PPA2: variants seen among roughly 807,000 people sequenced by gnomAD.
The protein encoded by PPA2 is inorganic pyrophosphatase 2.
PPA2 carries 48 observed loss-of-function variants against 49.5 expected under a neutral mutation model. The observed-to-expected ratio is 0.97, with a 90% CI of 0.77 to 1.23. The LOEUF is 1.23. PPA2 is among the 50% of genes most tolerant of loss of function. The pLI, the probability that PPA2 is intolerant of heterozygous loss-of-function variation, is 0.00. For missense variants in PPA2, 429 were observed against 410.1 expected (o/e 1.05, Z -0.40); for synonymous variants, 131 against 139.9 (o/e 0.94, Z 0.45).
intron 10 of PPA2, among the ~76,000 whole-genome samples, chr4:105,373,796 C>CA (rs56111171): frequency 2.7e-5 from 4 of 149,396 alleles, no homozygotes; most frequent in Admixed American, 6.7e-5. Context: ...CACACACACA[C>CA]CCCATCATAG....
intron 2 of PPA2, chr4:105,456,372 A>C: frequency 2.3e-6 from 1 of 433,496 alleles, no homozygotes; most frequent in Non-Finnish European, 4.4e-6. Flanking sequence ...AATAATCCAC[A>C]AACGTTAGCT....
chr4:105,452,175 C>T (rs1722703317), intron 3 of PPA2, among the ~76,000 whole-genome samples: 1 of 152,140 alleles, frequency 6.6e-6, no homozygotes, highest in Non-Finnish European at 1.5e-5. Context: ...ACTCTTCTTT[C>T]CTCTCTAATC....
intron 4 of PPA2, chr4:105,447,936 G>A (rs1301142190): frequency 4.7e-6 from 1 of 212,280 alleles, no homozygotes; most frequent in African/African-American, 2.4e-5. Context: ...AGTAGAGATG[G>A]GGTTTTGCCA....
In PPA2 at chr4:105,458,818, C is replaced by CAA. The variant is rs57073135; in HGVS notation, c.158-2075_158-2074dup. Among the ~76,000 whole-genome samples, 230 of 31,540 alleles carry CAA rather than the reference C, an allele frequency of 7.3e-3. 19 individuals are homozygous for CAA. Among genetic ancestry groups the CAA allele is most frequent in the Middle Eastern group, 0.026 (1 of 38 alleles). The allele number at this position is 31,540 out of a possible 152,430, so 20.7% of individuals were successfully genotyped here. A position where few individuals can be genotyped will look rare whatever the true frequency, so the allele number is the denominator to read the frequency against. On this transcript the variant is annotated intron_variant, in intron 1 of 11. Transcript: ENST00000341695. ...GCCTGGCGACACAAGACTCCACCTC[C>CAA]AAAAAAAAAAAAAAAAAAAAAAAAA...
intron 10 of PPA2, among the ~76,000 whole-genome samples, chr4:105,381,023 G>A (rs68146425): frequency 0.12 from 18,518 of 152,084 alleles, 1,179 homozygotes; most frequent in African/African-American, 0.15. Flanking sequence ...AAGTCTGAAA[G>A]CTTCCCTTTC....
chr4:105,471,539 C>A (rs1473504841), intron 1 of PPA2, among the ~76,000 whole-genome samples: 1 of 152,128 alleles, frequency 6.6e-6, no homozygotes, highest in Non-Finnish European at 1.5e-5. Context: ...CACTGAGTAA[C>A]AATTTTAGGC....
In PPA2 at chr4:105,450,601, CT is replaced by C. The variant is rs575896250; in HGVS notation, c.268-1199del. ...ATGCTGGCCAGGCTGGTCTGGAATT[CT>C]TTTTTTTTTTTTTTTTTTTTTTTGA... On this transcript the variant is annotated intron_variant, in intron 3 of 11. Transcript: ENST00000341695. Among the ~76,000 whole-genome samples, 261 of 82,624 alleles carry C rather than the reference CT, an allele frequency of 3.2e-3. 1 individual carries two copies. The highest frequency in any genetic ancestry group is 9.9e-3 in the African/African-American group (217 of 21,942). 54.2% of individuals were successfully genotyped at this position (82,624 alleles called of 152,430 possible). A position where few individuals can be genotyped will look rare whatever the true frequency, so the allele number is the denominator to read the frequency against.
Position 105,399,180 on chromosome 4 carries a change from C to T in PPA2, c.656-16G>A, listed in dbSNP as rs1734261636. ...TCATCAATATCTGTAAAGAAAAAAA[C>T]AAAAAGATGTTTTGTTAAGAACCAA... On this transcript the variant is annotated splice_polypyrimidine_tract_variant and intron_variant, in intron 7 of 11. Transcript: ENST00000341695. 6.3e-7 allele frequency: 1 copy of T among 1,579,434 alleles called. No homozygotes were observed. The highest frequency in any genetic ancestry group is 1.9e-5 in the Admixed American group (1 of 52,102).
At chr4:105,443,321 C>G (rs1724450186) in intron 5 of PPA2, among the ~76,000 whole-genome samples, 1 of 151,282 alleles carries the variant, frequency 6.6e-6, no homozygotes, top group Admixed American at 6.6e-5. Flanking sequence ...CACCAGAGTG[C>G]CAGTGTGGAA....
chr4:105,426,030 G>C (rs1000797601), intron 6 of PPA2, among the ~76,000 whole-genome samples: 2 of 152,244 alleles, frequency 1.3e-5, no homozygotes, highest in Non-Finnish European at 2.9e-5. Context: ...AAGGGGAAAG[G>C]GGGAACTTTC....
intron 5 of PPA2, 80 bp from the exon 6 acceptor site, chr4:105,438,116 G>T: frequency 1.0e-6 from 1 of 979,722 alleles, no homozygotes; most frequent in Non-Finnish European, 1.5e-6. Flanking sequence ...TAATCACAAA[G>T]TTTTATAGAT....
chr4:105,373,388 T>C (rs1440883609), intron 10 of PPA2, among the ~76,000 whole-genome samples: 2 of 152,152 alleles, frequency 1.3e-5, no homozygotes, highest in Non-Finnish European at 1.5e-5. Context: ...TCTATGAAAT[T>C]GCTATATACT....
At chr4:105,433,464 G>A (rs1723907765) in intron 6 of PPA2, among the ~76,000 whole-genome samples, 1 of 152,196 alleles carries the variant, frequency 6.6e-6, no homozygotes, top group Admixed American at 6.5e-5. Flanking sequence ...CTCTGGAGAT[G>A]GAAAATGGGA....
At chr4:105,419,134 C>G (rs1723135439) in intron 7 of PPA2, among the ~76,000 whole-genome samples, 1 of 142,662 alleles carries the variant, frequency 7.0e-6, no homozygotes, top group Non-Finnish European at 1.5e-5. Flanking sequence ...TCTTAGTGCT[C>G]TGTTTTTTTG....
intron 7 of PPA2, among the ~76,000 whole-genome samples, chr4:105,400,300 A>C (rs1429176657): frequency 1.3e-5 from 2 of 152,116 alleles, no homozygotes; most frequent in Admixed American, 1.3e-4. Context: ...AAAATCTTTT[A>C]GTCTACTGAC....
intron 7 of PPA2, among the ~76,000 whole-genome samples, chr4:105,400,504 T>C (rs920496244): frequency 6.6e-6 from 1 of 152,018 alleles, no homozygotes; most frequent in Non-Finnish European, 1.5e-5. Flanking sequence ...ATGGTGGTGA[T>C]TGCCTATAGT....
At chr4:105,459,737 C>G (rs1482644862) in intron 1 of PPA2, among the ~76,000 whole-genome samples, 3 of 152,122 alleles carry the variant, frequency 2.0e-5, no homozygotes, top group Non-Finnish European at 4.4e-5. Context: ...AATTATTCCA[C>G]AATAAAAAGG....
At chr4:105,371,160 T>C (rs1034051546) in intron 10 of PPA2, among the ~76,000 whole-genome samples, 1 of 152,206 alleles carries the variant, frequency 6.6e-6, no homozygotes, top group Non-Finnish European at 1.5e-5. Context: ...AGGTTTTCTT[T>C]CAATGGCTTC....
At chr4:105,411,333 A>G (rs1426014464) in intron 7 of PPA2, among the ~76,000 whole-genome samples, 3 of 152,240 alleles carry the variant, frequency 2.0e-5, no homozygotes, top group African/African-American at 7.2e-5. Flanking sequence ...CATAACAGTA[A>G]ACAAATCAAT....
Sources: allele counts gnomAD v4.1 joint callset (sites outside exome capture counted in the v4.1 genomes callset), GRCh38; gene constraint gnomAD v4.1.1; transcripts MANE v1.5; gene names NCBI Gene and HGNC (gene_info 2026-07-23, HGNC 2026-07-21).